Variants in CSMD2 observed in about 807,000 individuals in gnomAD.
CSMD2 encodes CUB and Sushi multiple domains 2, also known as CUB and sushi domain-containing protein 2.
Under a neutral mutation model 398.5 loss-of-function variants are expected in CSMD2, and 130 were observed. The ratio of observed to expected loss-of-function variants is 0.33; its 90% confidence interval spans 0.28 to 0.38. The LOEUF (loss-of-function observed/expected upper bound fraction) is 0.38, where lower values mean the gene tolerates loss of function less well. Among genes scored for constraint, CSMD2 ranks in the 10% least tolerant of loss-of-function variants. The pLI, the probability that CSMD2 is intolerant of heterozygous loss-of-function variation, is 1.00. For missense variants in CSMD2, 3,829 were observed against 4,764.9 expected (o/e 0.80, Z 5.78); for synonymous variants, 1,828 against 1,908.5 (o/e 0.96, Z 1.10).
intron 2 of CSMD2, among the ~76,000 whole-genome samples, chr1:34,074,847 G>A (rs1163110379): frequency 6.6e-6 from 1 of 152,168 alleles, no homozygotes; most frequent in East Asian, 1.9e-4. Flanking sequence ...GCAAGGAAGG[G>A]ACAACTGAGT....
chr1:33,915,141 T>C (rs1343993481), intron 5 of CSMD2, among the ~76,000 whole-genome samples: 1 of 152,180 alleles, frequency 6.6e-6, no homozygotes, highest in African/African-American at 2.4e-5. Flanking sequence ...GTCTTCTTGA[T>C]AGGTGAAGGG....
intron 12 of CSMD2, among the ~76,000 whole-genome samples, chr1:33,775,386 A>G (rs1002873363): frequency 1.3e-5 from 2 of 152,178 alleles, no homozygotes; most frequent in South Asian, 2.1e-4. Context: ...AATTTGCATT[A>G]AGTGTTATTT....
chr1:33,883,665 T>C (rs965014848), intron 5 of CSMD2, among the ~76,000 whole-genome samples: 3 of 152,172 alleles, frequency 2.0e-5, no homozygotes, highest in Admixed American at 6.5e-5. Flanking sequence ...TTAGAAGGCC[T>C]TAACACATAT....
rs201929244 is a variant in CSMD2 at position 33,679,758 on chromosome 1, T to TTG, written c.4052+13170_4052+13171dup. Among the ~76,000 whole-genome samples, 5 of 152,310 alleles carry TTG rather than the reference T, an allele frequency of 3.3e-5. No individual in the cohort carries two copies. The East Asian group carries it at 9.6e-4, about 29-fold the overall frequency. ...GATGTGCTAAAGTCTCCTATAAGGATTGTCAATTTCTCCTCATATTTCTGA... is the reference window on the plus strand; with the variant it reads ...GATGTGCTAAAGTCTCCTATAAGGATTGTGTCAATTTCTCCTCATATTTCTGA... On this transcript the variant is annotated intron_variant, in intron 25 of 70. Transcript: ENST00000373381.
intron 7 of CSMD2, among the ~76,000 whole-genome samples, chr1:33,825,019 A>G (rs953522440): frequency 6.6e-6 from 1 of 152,122 alleles, no homozygotes; most frequent in Non-Finnish European, 1.5e-5. Flanking sequence ...GCCCCTTAGC[A>G]CAGGCCCTGA....
chr1:34,028,819 C>A (rs1028195476), intron 3 of CSMD2, among the ~76,000 whole-genome samples: 1 of 152,222 alleles, frequency 6.6e-6, no homozygotes, highest in African/African-American at 2.4e-5. Context: ...GCGGCCCACG[C>A]TCTTGCCCCC....
At position 33,519,736 on chromosome 1, in the gene CSMD2, G is replaced by T. The variant is rs1373857193; in HGVS notation, c.10737-59C>A. On this transcript the variant is annotated intron_variant, in intron 69 of 70. Coordinates refer to ENST00000373381, the MANE Select transcript of CSMD2 (RefSeq NM_001281956.2). The surrounding 1 kb of genome is among the most constrained non-coding windows in gnomAD (Gnocchi z 5.6). Reference sequence around the variant, plus strand: ...AAAGAGCGACACAGAGAGGCTTAGGGGTCTGGTGCGGGGGGCCCTGGAGGG... The same window carrying T: ...AAAGAGCGACACAGAGAGGCTTAGGTGTCTGGTGCGGGGGGCCCTGGAGGG... 1.2e-5 allele frequency: 20 copies of T among 1,613,084 alleles called. No individual in the cohort carries two copies. The highest frequency in any genetic ancestry group is 1.0e-4 in the Admixed American group (6 of 59,980).
intron 53 of CSMD2, among the ~76,000 whole-genome samples, chr1:33,562,184 G>A (rs1456428796): frequency 6.6e-6 from 1 of 150,496 alleles, no homozygotes; most frequent in Non-Finnish European, 1.5e-5. Context: ...TCATCAATAG[G>A]ACCACTGGTG....
chr1:34,067,574 C>A lies in CSMD2; in HGVS notation c.404+21403G>T, dbSNP rs554079601. ...CTGACTAGTCCATGAGCCAGTAGCA[C>A]CAGCATCACCTGTGAGCTCCTTGGA... On this transcript the variant is annotated intron_variant, in intron 2 of 70. Coordinates refer to ENST00000373381, the MANE Select transcript of CSMD2 (RefSeq NM_001281956.2). Among the ~76,000 whole-genome samples, 16 of 152,308 alleles carry A rather than the reference C, an allele frequency of 1.1e-4. No homozygotes were observed. In the South Asian group the frequency reaches 2.1e-3, roughly 20 times the overall value.
chr1:33,685,989 G>A (rs1485817745), intron 25 of CSMD2, among the ~76,000 whole-genome samples: 1 of 152,198 alleles, frequency 6.6e-6, no homozygotes, highest in Non-Finnish European at 1.5e-5. Context: ...AGATGGGAAA[G>A]AGCAAAGACT....
rs536629318 is a variant in CSMD2, at chr1:33,980,260, A to G, written c.518-44306T>C. On this transcript the variant is annotated intron_variant, in intron 3 of 70. Transcript: ENST00000373381. ...TAGAACCCAAATCCCTCTCTCATAA[A>G]TGGGTAAACTGGAGCCTCAGGACCA... Among the ~76,000 whole-genome samples the G allele has an allele frequency of 3.3e-5, 5 of 152,258 alleles. No individual in the cohort carries two copies. In the South Asian group the frequency reaches 1.0e-3, roughly 32 times the overall value.
At chr1:33,611,449 T>TA in intron 40 of CSMD2, among the ~76,000 whole-genome samples, 199 bp from the exon 41 acceptor site, 1 of 152,232 alleles carries the variant, frequency 6.6e-6, no homozygotes, top group Non-Finnish European at 1.5e-5. Context: ...CTTAAAAGTG[T>TA]ATTATTCATT....
At chr1:34,017,683 A>G (rs967225026) in intron 3 of CSMD2, among the ~76,000 whole-genome samples, 1 of 152,210 alleles carries the variant, frequency 6.6e-6, no homozygotes, top group Admixed American at 6.5e-5. Context: ...CAGGAGGTCA[A>G]GGCTACAGTG....
intron 25 of CSMD2, among the ~76,000 whole-genome samples, chr1:33,680,148 C>CTTTTT (rs34735969): frequency 3.4e-5 from 3 of 88,546 alleles, no homozygotes; most frequent in African/African-American, 1.4e-4. Context: ...ATGGCCTCGC[C>CTTTTT]TTTTTTTTTT....
intron 12 of CSMD2, among the ~76,000 whole-genome samples, chr1:33,773,962 C>T (rs971167603): frequency 3.3e-5 from 5 of 152,120 alleles, no homozygotes; most frequent in Non-Finnish European, 5.9e-5. Context: ...GCTTTCCTAC[C>T]ACACTGGGGG....
intron 4 of CSMD2, among the ~76,000 whole-genome samples, chr1:33,931,235 G>A (rs1644303303): frequency 6.6e-6 from 1 of 152,200 alleles, no homozygotes; most frequent in South Asian, 2.1e-4. Context: ...TTCTACACGA[G>A]AGGAAGAAAG....
intron 1 of CSMD2, among the ~76,000 whole-genome samples, chr1:34,144,199 C>A (rs1479333628): frequency 1.3e-5 from 2 of 152,078 alleles, no homozygotes; most frequent in Non-Finnish European, 2.9e-5. Context: ...TGGGACAGGT[C>A]CTGCCTGTCC....
intron 13 of CSMD2, among the ~76,000 whole-genome samples, chr1:33,748,789 A>G (rs1453747713): frequency 6.6e-6 from 1 of 152,230 alleles, no homozygotes; most frequent in East Asian, 1.9e-4. Flanking sequence ...AAAGGATCTG[A>G]AAATATTATG....
chr1:34,136,307 T>C (rs1638747366), intron 1 of CSMD2, among the ~76,000 whole-genome samples: 1 of 152,218 alleles, frequency 6.6e-6, no homozygotes, highest in Non-Finnish European at 1.5e-5. Context: ...TTCCTTCCTG[T>C]GGGTTCAGCC....
Sources: allele counts gnomAD v4.1 joint callset (sites outside exome capture counted in the v4.1 genomes callset), GRCh38; gene constraint gnomAD v4.1.1; non-coding constraint Gnocchi (gnomAD v3.1); transcripts MANE v1.5; gene names NCBI Gene and HGNC (gene_info 2026-07-23, HGNC 2026-07-21).